The following VTI1A variants were observed in gnomAD, a reference collection of about 807,000 sequenced individuals.
VTI1A encodes the protein vesicle transport through interaction with t-SNAREs homolog 1A.
Under a neutral mutation model 34.9 loss-of-function variants are expected in VTI1A, and 22 were observed. The ratio of observed to expected loss-of-function variants is 0.63; its 90% CI spans 0.45 to 0.90. The LOEUF (loss-of-function observed/expected upper bound fraction) is 0.90. Among genes scored for constraint, VTI1A ranks in the 40% least tolerant of loss-of-function variants. The probability of loss-of-function intolerance (pLI) is 0.00; values close to 1 mark genes in which losing one functional copy is unlikely to be tolerated. For missense variants in VTI1A, 268 were observed against 275.6 expected (o/e 0.97, Z 0.20); for synonymous variants, 87 against 97.3 (o/e 0.89, Z 0.62).
chr10:112,703,577 A>C (rs1432698360), intron 7 of VTI1A, among the ~76,000 whole-genome samples: 3 of 152,186 alleles, frequency 2.0e-5, no homozygotes. Flanking sequence ...AAAAAAAAAA[A>C]TTGCTAAAAT....
At chr10:112,596,188 G>A (rs565903704) in intron 5 of VTI1A, among the ~76,000 whole-genome samples, 1 of 151,850 alleles carries the variant, frequency 6.6e-6, no homozygotes, top group Non-Finnish European at 1.5e-5. Context: ...GGGAGGGATA[G>A]CATTAGGAGA....
downstream of VTI1A, among the ~76,000 whole-genome samples, chr10:112,820,765 C>T (rs528050245): frequency 1.2e-3 from 178 of 152,190 alleles, 2 homozygotes; most frequent in Non-Finnish European, 2.0e-3. Flanking sequence ...GGGATTCCAG[C>T]GCAGTAACAA....
intron 7 of VTI1A, among the ~76,000 whole-genome samples, chr10:112,675,908 C>T (rs1848009103): frequency 6.6e-6 from 1 of 152,182 alleles, no homozygotes. Context: ...TCAGTTTCCT[C>T]ATCTGCAAAA....
At chr10:112,514,231 G>A (rs1273995231) in intron 3 of VTI1A, among the ~76,000 whole-genome samples, 1 of 151,792 alleles carries the variant, frequency 6.6e-6, no homozygotes, top group Non-Finnish European at 1.5e-5. Flanking sequence ...TCCTACTTCA[G>A]TCTTGGTAGG....
At chr10:112,582,689 T>G (rs958308161) in intron 5 of VTI1A, among the ~76,000 whole-genome samples, 1 of 152,170 alleles carries the variant, frequency 6.6e-6, no homozygotes, top group South Asian at 2.1e-4. Context: ...ATACTTAAAC[T>G]TGAAGTGTTC....
the VTI1A span, among the ~76,000 whole-genome samples, chr10:112,831,010 C>T: frequency 6.0e-5 from 9 of 150,476 alleles, no homozygotes; most frequent in African/African-American, 2.0e-4. Context: ...CCACCATGCC[C>T]GGCTAATTTT....
chr10:112,547,555 G>A (rs1195424537), intron 5 of VTI1A, among the ~76,000 whole-genome samples: 1 of 152,140 alleles, frequency 6.6e-6, no homozygotes, highest in Admixed American at 6.5e-5. Flanking sequence ...TCCAGCCTGG[G>A]CAACAGAGGG....
At chr10:112,509,633 G>A (rs953918168) in intron 3 of VTI1A, among the ~76,000 whole-genome samples, 1 of 152,204 alleles carries the variant, frequency 6.6e-6, no homozygotes, top group East Asian at 1.9e-4. Context: ...GGGAGTGCCT[G>A]TCAGAGGAGT....
chr10:112,818,808 CA>C (rs10715903), downstream of VTI1A: 84,383 of 177,182 alleles, frequency 0.48, 20,739 homozygotes, highest in East Asian at 0.69. Flanking sequence ...TGTGGTACCC[CA>C]AGCAGCCTCT....
intron 4 of VTI1A, 81 bp from the exon 5 acceptor site, chr10:112,538,164 CG>C: frequency 7.7e-7 from 1 of 1,295,880 alleles, no homozygotes; most frequent in Non-Finnish European, 1.1e-6. Context: ...TTAGGGCATA[CG>C]AAGGCATTTT....
chr10:112,804,579 C>G (rs561143458), intron 7 of VTI1A, among the ~76,000 whole-genome samples: 1 of 152,196 alleles, frequency 6.6e-6, no homozygotes, highest in Non-Finnish European at 1.5e-5. Context: ...GTGACTTGCT[C>G]TAGGTCACAC....
intron 7 of VTI1A, among the ~76,000 whole-genome samples, chr10:112,736,094 CATATATATGTGTGTGTGTATATAT>C (rs1370082092): frequency 1.0e-5 from 1 of 95,910 alleles, no homozygotes; most frequent in Non-Finnish European, 2.0e-5. Flanking sequence ...GTATATTTTA[CATATATATGTGTGTGTGTATATAT>C]ATATATATAT....
intron 4 of VTI1A, among the ~76,000 whole-genome samples, chr10:112,528,035 A>G (rs1446186708): frequency 1.3e-5 from 2 of 152,170 alleles, no homozygotes; most frequent in African/African-American, 4.8e-5. Flanking sequence ...AAGAAAATAC[A>G]TGATAGGGAC....
intron 7 of VTI1A, among the ~76,000 whole-genome samples, chr10:112,774,837 C>CACGGACAAG (rs1851912380): frequency 6.6e-6 from 1 of 152,124 alleles, no homozygotes; most frequent in Non-Finnish European, 1.5e-5. Flanking sequence ...GGAGAAGCCC[C>CACGGACAAG]CCTCCTGAGG....
intron 7 of VTI1A, among the ~76,000 whole-genome samples, chr10:112,706,012 A>G (rs979958589): frequency 2.6e-5 from 4 of 152,196 alleles, no homozygotes; most frequent in African/African-American, 9.7e-5. Flanking sequence ...TCAATCTTCC[A>G]TCTTTTGTGT....
chr10:112,517,352 C>T (rs1849815803), intron 3 of VTI1A, among the ~76,000 whole-genome samples: 1 of 151,902 alleles, frequency 6.6e-6, no homozygotes, highest in African/African-American at 2.4e-5. Flanking sequence ...TGGACGATAA[C>T]CCAGAATATA....
At chr10:112,621,257 A>C (rs1845722057) in intron 5 of VTI1A, among the ~76,000 whole-genome samples, 1 of 152,076 alleles carries the variant, frequency 6.6e-6, no homozygotes, top group African/African-American at 2.4e-5. Context: ...TGCGTACTGC[A>C]CTCCTGTCTT....
At chr10:112,696,762 C>T (rs1848804296) in intron 7 of VTI1A, among the ~76,000 whole-genome samples, 1 of 152,162 alleles carries the variant, frequency 6.6e-6, no homozygotes, top group African/African-American at 2.4e-5. Context: ...AGAGTCAGGT[C>T]ACAGCAGCCA....
At chr10:112,842,049 TC>T in the VTI1A span, among the ~76,000 whole-genome samples, 947 of 122,842 alleles carry the variant, frequency 7.7e-3, 13 homozygotes, top group Non-Finnish European at 0.01. Flanking sequence ...TTTTTTTTTT[TC>T]CTTTTTTTTT....
Sources: gnomAD v4.1 joint callset for allele counts (sites outside exome capture counted in the v4.1 genomes callset) on GRCh38, gnomAD v4.1.1 for gene constraint, MANE v1.5 for transcripts, NCBI Gene and HGNC (gene_info 2026-07-23, HGNC 2026-07-21) for gene names.